Variants in SP100 observed in about 807,000 individuals in gnomAD.
The protein encoded by SP100 is SP100 nuclear body protein.
Under a neutral mutation model 130.0 loss-of-function variants are expected in SP100, and 84 were observed. The observed-to-expected ratio is 0.65, with a 90% confidence interval of 0.54 to 0.77. The LOEUF (loss-of-function observed/expected upper bound fraction) is 0.77, where lower values mean the gene tolerates loss of function less well. Among genes scored for constraint, SP100 ranks in the 30% least tolerant of loss-of-function variants. SP100 has a pLI of 0.00. For synonymous variants in SP100, 331 were observed against 351.7 expected (o/e 0.94, Z 0.66); for missense variants, 978 against 1,052.2 (o/e 0.93, Z 0.97).
Position 230,504,186 on chromosome 2 carries a change from G to C in SP100, c.1766G>C (p.Gly589Ala). 4 of 1,599,046 alleles carry C rather than the reference G, an allele frequency of 2.5e-6. No homozygotes were observed. The highest frequency in any genetic ancestry group is 3.4e-6 in the Non-Finnish European group (4 of 1,167,600). The change falls in exon 21 of 29, where the codon GGT becomes GCT. Residue 589 changes from glycine to alanine, a missense_variant and splice_region_variant. Physicochemically the swap from Gly to Ala is moderately conservative, Grantham distance 60. Transcript: ENST00000340126. ...TGGAAAAAAAAATGCTTCCTTGCAG[G>C]TCCAAGAATTCCCAAAGATGAAAAT... is the stretch of plus-strand genomic sequence containing the variant. ...TRPLKRRRKR[G>A]PRIPKDENIN...
chr2:230,495,654 G>A (rs544300225), intron 18 of SP100, among the ~76,000 whole-genome samples: 1 of 152,278 alleles, frequency 6.6e-6, no homozygotes, highest in South Asian at 2.1e-4. Context: ...AAAAAGACGT[G>A]ACAGTCCATT....
rs184521914 is a variant in SP100 at position 230,500,561 on chromosome 2, G to A, written c.1720+2026G>A. ...TAATGGCTAGGGCTGAACATACCCAGGTTATGGCCAGAGCTGGATCTCCAG... is the reference window on the plus strand; with the variant it reads ...TAATGGCTAGGGCTGAACATACCCAAGTTATGGCCAGAGCTGGATCTCCAG... On this transcript the variant is annotated intron_variant, in intron 19 of 28. Transcript: ENST00000340126. Among the ~76,000 whole-genome samples the A allele has an allele frequency of 1.6e-4, 25 of 152,342 alleles. No individual in the cohort carries two copies. In the East Asian group the frequency reaches 4.8e-3, roughly 29 times the overall value.
chr2:230,438,157 T>C (rs2063351435), intron 2 of SP100, among the ~76,000 whole-genome samples: 1 of 152,192 alleles, frequency 6.6e-6, no homozygotes, highest in South Asian at 2.1e-4. Context: ...TCTCTTTGAT[T>C]CCAGTCAATA....
At chr2:230,469,704 G>A in intron 14 of SP100, 1 of 1,180,748 alleles carries the variant, frequency 8.5e-7, no homozygotes, top group Non-Finnish European at 1.1e-6. Context: ...CTTATGACAA[G>A]CATATATTGC....
intron 15 of SP100, chr2:230,470,355 G>A (rs763257753): frequency 3.7e-5 from 42 of 1,126,838 alleles, no homozygotes; most frequent in Admixed American, 4.7e-5. Context: ...TAGCAAATTT[G>A]TGGTATTCTT....
At chr2:230,455,116 CCA>C (rs750402370) in intron 8 of SP100, among the ~76,000 whole-genome samples, 3 of 151,826 alleles carry the variant, frequency 2.0e-5, no homozygotes, top group Non-Finnish European at 4.4e-5. Flanking sequence ...GCTCTGTCAC[CCA>C]GACTGGAGTG....
chr2:230,532,776 T>C (rs987577711), intron 24 of SP100, among the ~76,000 whole-genome samples: 2 of 152,120 alleles, frequency 1.3e-5, no homozygotes, highest in Non-Finnish European at 2.9e-5. Context: ...TTTATTTTTA[T>C]TTTTATTTAT....
At chr2:230,458,470 A>G (rs76397790) in intron 8 of SP100, among the ~76,000 whole-genome samples, 2 of 152,204 alleles carry the variant, frequency 1.3e-5, no homozygotes, top group Non-Finnish European at 2.9e-5. Flanking sequence ...AAGTGGACTC[A>G]TGTAGTTCAA....
rs565352220 is a variant in SP100 at position 230,476,402 on chromosome 2, T to C, written c.1600+1955T>C. 2.0e-5 allele frequency among the ~76,000 whole-genome samples: 3 copies of C among 152,362 alleles called. No homozygotes were observed. In the East Asian group the frequency reaches 5.8e-4, roughly 29 times the overall value. ...GCATCGATTTTGTATTCTGAAACTT[T>C]ACTAAATTTGTCAGTTCCAGGAGCA... On this transcript the variant is annotated intron_variant, in intron 17 of 28. Transcript: ENST00000340126.
Position 230,473,310 on chromosome 2 carries a change from A to G in SP100, c.1430-14A>G. 6.3e-7 allele frequency: 1 copy of G among 1,590,494 alleles called. No homozygotes were observed. Among genetic ancestry groups the G allele is most frequent in the South Asian group, 1.1e-5 (1 of 90,446 alleles). Reference sequence around the variant, plus strand: ...AGTGGGCACAAATAAAAATGTTTACAAATCACAATTTAGGATCACAGCCAC... The same window carrying G: ...AGTGGGCACAAATAAAAATGTTTACGAATCACAATTTAGGATCACAGCCAC... On this transcript the variant is annotated splice_polypyrimidine_tract_variant and intron_variant, in intron 15 of 28. Coordinates refer to ENST00000340126, the MANE Select transcript of SP100 (RefSeq NM_001080391.2).
At chr2:230,542,767 T>A in intron 28 of SP100, 69 bp from the exon 29 acceptor site, 2 of 863,854 alleles carry the variant, frequency 2.3e-6, no homozygotes, top group South Asian at 1.5e-5. Context: ...AGGCCCCAGA[T>A]TATCTGCAAC....
At chr2:230,446,223 C>G (rs1214336283) in intron 4 of SP100, among the ~76,000 whole-genome samples, 2 of 152,212 alleles carry the variant, frequency 1.3e-5, no homozygotes, top group Non-Finnish European at 2.9e-5. Context: ...ATCCTCCCCC[C>G]TCAGCCTCTT....
chr2:230,416,466 A>AT (rs1462893510), intron 1 of SP100, 138 bp downstream of exon 1: 1 of 765,882 alleles, frequency 1.3e-6, no homozygotes, highest in Non-Finnish European at 2.1e-6. Context: ...ATATAATGAA[A>AT]TGAAAGACAA....
At chr2:230,520,150 G>C (rs78683284) in intron 24 of SP100, among the ~76,000 whole-genome samples, 2,108 of 152,316 alleles carry the variant, frequency 0.014, 48 homozygotes, top group African/African-American at 0.047. Flanking sequence ...ATGGACAAGA[G>C]ATAATCAGTT....
intron 2 of SP100, among the ~76,000 whole-genome samples, chr2:230,434,879 G>A (rs148522006): frequency 6.6e-6 from 1 of 152,214 alleles, no homozygotes; most frequent in Admixed American, 6.5e-5. Context: ...TGAGCAAAAG[G>A]AGAGGAGCAA....
chr2:230,423,311 A>T (rs2062824499), intron 2 of SP100, among the ~76,000 whole-genome samples: 1 of 152,196 alleles, frequency 6.6e-6, no homozygotes, highest in Admixed American at 6.5e-5. Flanking sequence ...AATTTCTTAT[A>T]TAAAGTTTTA....
At position 230,544,776 on chromosome 2, in the gene SP100, C is replaced by T. The variant is rs1161183655; in HGVS notation, c.*1830C>T. ...GATTACAGGCATCAGCCACCATGCC[C>T]GGATGAAAAGACACTTTCCAAAAGA... On this transcript the variant is annotated 3_prime_UTR_variant, in exon 29 of 29. Transcript: ENST00000340126. Among the ~76,000 whole-genome samples the T allele has an allele frequency of 2.0e-5, 3 of 152,144 alleles. No homozygotes were observed. The highest frequency in any genetic ancestry group is 3.9e-4 in the East Asian group (2 of 5,182).
chr2:230,437,104 T>C (rs1428820910), intron 2 of SP100, among the ~76,000 whole-genome samples: 1 of 152,110 alleles, frequency 6.6e-6, no homozygotes, highest in Non-Finnish European at 1.5e-5. Flanking sequence ...CAACATTTGC[T>C]GATTTTAGAG....
intron 5 of SP100, among the ~76,000 whole-genome samples, chr2:230,448,213 A>G (rs1046304016): frequency 2.6e-5 from 4 of 152,196 alleles, no homozygotes; most frequent in Non-Finnish European, 4.4e-5. Context: ...AGAGAGACTC[A>G]GAAAGGAAGT....
Sources: allele counts gnomAD v4.1 joint callset (sites outside exome capture counted in the v4.1 genomes callset), GRCh38; gene constraint gnomAD v4.1.1; transcripts MANE v1.5; gene names NCBI Gene and HGNC (gene_info 2026-07-23, HGNC 2026-07-21).